Variants in SERP2 observed in about 807,000 individuals in gnomAD.
SERP2 encodes the protein stress-associated endoplasmic reticulum protein 2.
A neutral mutation model predicts 9.1 loss-of-function variants in SERP2; 6 were observed. That is an observed-to-expected ratio of 0.66 (90% CI 0.36 to 1.30). The LOEUF (loss-of-function observed/expected upper bound fraction) is 1.30, where lower values mean the gene tolerates loss of function less well. Among genes scored for constraint, SERP2 ranks in the 50% most tolerant of loss-of-function variants. SERP2 has a pLI of 0.03. For synonymous variants in SERP2, 37 were observed against 27.3 expected (o/e 1.35, Z -1.10); for missense variants, 58 against 81.9 (o/e 0.71, Z 1.13).
At chr13:44,378,083 G>A (rs1871764035) in intron 1 of SERP2, among the ~76,000 whole-genome samples, 1 of 152,086 alleles carries the variant, frequency 6.6e-6, no homozygotes, top group African/African-American at 2.4e-5. Context: ...AGGGCTCTTT[G>A]GTAAGCTGAA....
chr13:44,373,757 G>T (rs1159892649), upstream of SERP2: 1 of 425,674 alleles, frequency 2.3e-6, no homozygotes, highest in African/African-American at 2.1e-5. The surrounding 1 kb of genome is among the most constrained non-coding windows in gnomAD (Gnocchi z 4.8). Flanking sequence ...GGCCGCGCGG[G>T]GTAGGTGGCT....
In SERP2 at chr13:44,397,423, G is replaced by C. The variant is rs1475813783; in HGVS notation, c.*111G>C. ...CAGGCCACACGGAATAGAAAAAAAC[G>C]CTCCCCCACTTGTTCCCTGATCACT... On this transcript the variant is annotated 3_prime_UTR_variant, in exon 3 of 3. Coordinates refer to ENST00000379179, the MANE Select transcript of SERP2 (RefSeq NM_001010897.3). 4.9e-6 allele frequency: 4 copies of C among 821,746 alleles called. No individual in the cohort carries two copies. The highest frequency in any genetic ancestry group is 8.2e-6 in the Non-Finnish European group (4 of 488,872). 50.9% of individuals were successfully genotyped at this position (821,746 alleles called of 1,614,324 possible).
chr13:44,386,310 T>G (rs1483918052), intron 2 of SERP2, among the ~76,000 whole-genome samples: 1 of 152,224 alleles, frequency 6.6e-6, no homozygotes, highest in Non-Finnish European at 1.5e-5. Context: ...GAATAGTATA[T>G]TCTTCTGAGA....
intron 1 of SERP2, among the ~76,000 whole-genome samples, chr13:44,377,593 G>A (rs369375293): frequency 3.9e-5 from 6 of 152,180 alleles, no homozygotes; most frequent in East Asian, 1.9e-4. Context: ...GTGACTTGCC[G>A]GCATGTAAGT....
At chr13:44,388,645 T>C (rs975795570) in intron 2 of SERP2, among the ~76,000 whole-genome samples, 1 of 152,162 alleles carries the variant, frequency 6.6e-6, no homozygotes, top group Admixed American at 6.5e-5. Context: ...ACTTTCCCCC[T>C]GTATTCTCCA....
chr13:44,388,044 T>C (rs1301112075), intron 2 of SERP2, among the ~76,000 whole-genome samples: 1 of 152,236 alleles, frequency 6.6e-6, no homozygotes, highest in East Asian at 1.9e-4. Flanking sequence ...TTCTTCACTG[T>C]TTCCTATAGT....
At chr13:44,397,166 C>A in intron 2 of SERP2, 106 bp from the exon 3 acceptor site, 1 of 850,942 alleles carries the variant, frequency 1.2e-6, no homozygotes, top group Non-Finnish European at 2.0e-6. Flanking sequence ...CAGCTGTGAG[C>A]TAACACGTCA....
At chr13:44,392,209 A>AAAAAAAAAAAAAG (rs1872820996) in intron 2 of SERP2, among the ~76,000 whole-genome samples, 1 of 144,774 alleles carries the variant, frequency 6.9e-6, no homozygotes, top group African/African-American at 2.6e-5. Flanking sequence ...AAAAAAAAAA[A>AAAAAAAAAAAAAG]AAAAGCCCTG....
chr13:44,388,783 A>C (rs948770955), intron 2 of SERP2, among the ~76,000 whole-genome samples: 5 of 152,176 alleles, frequency 3.3e-5, no homozygotes, highest in Non-Finnish European at 5.9e-5. Context: ...GCAGGGCCTG[A>C]ATCCTCCCAT....
At chr13:44,394,467 G>T (rs1872967024) in intron 2 of SERP2, among the ~76,000 whole-genome samples, 1 of 152,136 alleles carries the variant, frequency 6.6e-6, no homozygotes, top group African/African-American at 2.4e-5. Context: ...CCTTCAAAAA[G>T]AATTGCATGG....
chr13:44,375,556 C>A (rs982828362), intron 1 of SERP2, among the ~76,000 whole-genome samples: 1 of 152,130 alleles, frequency 6.6e-6, no homozygotes, highest in African/African-American at 2.4e-5. Flanking sequence ...CATTGAGAAG[C>A]AACTTATAAT....
At chr13:44,394,147 AT>A (rs1270049065) in intron 2 of SERP2, among the ~76,000 whole-genome samples, 6 of 151,694 alleles carry the variant, frequency 4.0e-5, no homozygotes, top group African/African-American at 1.4e-4. Flanking sequence ...TTATTTATTT[AT>A]TTTTTTTGAG....
chr13:44,382,135 G>A (rs928576058), intron 2 of SERP2, among the ~76,000 whole-genome samples: 3 of 151,356 alleles, frequency 2.0e-5, no homozygotes, highest in South Asian at 2.1e-4. Context: ...AAAGAAGAAC[G>A]ATTACTTCTA....
chr13:44,382,767 G>T (rs183521133), intron 2 of SERP2, among the ~76,000 whole-genome samples: 1 of 152,318 alleles, frequency 6.6e-6, no homozygotes, highest in East Asian at 1.9e-4. Context: ...CAATCATCAT[G>T]TCTTGAGGGT....
rs573699520 is a variant in SERP2, at chr13:44,379,540, C to A, written c.85-101C>A. On this transcript the variant is annotated intron_variant, in intron 1 of 2. Transcript: ENST00000379179. ...GGATTGAAACCAAGTCTGTCTCATTCGCAGTAGAATCCCCAGCACCTAGCA... is the reference window on the plus strand; with the variant it reads ...GGATTGAAACCAAGTCTGTCTCATTAGCAGTAGAATCCCCAGCACCTAGCA... 6.4e-5 allele frequency: 49 copies of A among 765,666 alleles called. No individual in the cohort carries two copies. The East Asian group carries it at 1.1e-3, about 18-fold the overall frequency. The allele number at this position is 765,666 out of a possible 1,614,324, so 47.4% of individuals were successfully genotyped here.
chr13:44,375,524 A>C (rs1871600211), intron 1 of SERP2, among the ~76,000 whole-genome samples: 1 of 152,204 alleles, frequency 6.6e-6, no homozygotes, highest in African/African-American at 2.4e-5. Context: ...ACTGAGGAAA[A>C]AAAAATGGCT....
chr13:44,374,567 T>TTGAATGAA (rs1039852505), intron 1 of SERP2, among the ~76,000 whole-genome samples: 1 of 152,192 alleles, frequency 6.6e-6, no homozygotes, highest in East Asian at 1.9e-4. Context: ...AGAACGTTTG[T>TTGAATGAA]TGAATGAATG....
At chr13:44,381,989 A>AGGAT (rs57960396) in intron 2 of SERP2, among the ~76,000 whole-genome samples, 39,084 of 147,546 alleles carry the variant, frequency 0.26, 5,335 homozygotes, top group East Asian at 0.32. Context: ...GTTAGTGCTT[A>AGGAT]GGATGGATGG....
At position 44,374,110 on chromosome 13, in the gene SERP2, G is replaced by C; in HGVS notation, c.84+1G>C. ...GAGGGGGAACGTAGCCAAAACCCTG[G>C]TAAGGCGGGGTCGGCGCCGGCCAGG... On this transcript the variant is annotated splice_donor_variant, in intron 1 of 2. Coordinates refer to ENST00000379179, the MANE Select transcript of SERP2 (RefSeq NM_001010897.3). LOFTEE classifies it high-confidence loss of function. 1.4e-6 allele frequency: 2 copies of C among 1,433,992 alleles called. No homozygotes were observed. The highest frequency in any genetic ancestry group is 1.9e-6 in the Non-Finnish European group (2 of 1,073,364). 88.8% of individuals were successfully genotyped at this position (1,433,992 alleles called of 1,614,324 possible). A position where few individuals can be genotyped will look rare whatever the true frequency, so the allele number is the denominator to read the frequency against.
Sources: gnomAD v4.1 joint callset for allele counts (sites outside exome capture counted in the v4.1 genomes callset) on GRCh38, gnomAD v4.1.1 for gene constraint, Gnocchi (gnomAD v3.1) non-coding constraint, MANE v1.5 for transcripts, NCBI Gene and HGNC (gene_info 2026-07-23, HGNC 2026-07-21) for gene names.